Variants in ZCCHC24 observed in about 807,000 individuals in gnomAD.
ZCCHC24 encodes zinc finger CCHC domain-containing protein 24.
Under a neutral mutation model 26.2 loss-of-function variants are expected in ZCCHC24, and 10 were observed. The observed-to-expected ratio is 0.38, with a 90% CI of 0.24 to 0.65. ZCCHC24 has a LOEUF of 0.65. Among genes scored for constraint, ZCCHC24 ranks in the 30% least tolerant of loss-of-function variants. The pLI is 0.54. For synonymous variants in ZCCHC24, 144 were observed against 147.1 expected (o/e 0.98, Z 0.15); for missense variants, 243 against 329.1 (o/e 0.74, Z 2.03).
intron 1 of ZCCHC24, among the ~76,000 whole-genome samples, chr10:79,435,635 G>T (rs78598740): frequency 6.6e-6 from 1 of 152,206 alleles, no homozygotes; most frequent in Non-Finnish European, 1.5e-5. Context: ...CCTTAGAGCC[G>T]AAAGGGTAGA....
intron 1 of ZCCHC24, among the ~76,000 whole-genome samples, chr10:79,443,104 A>T (rs1301555120): frequency 6.6e-6 from 1 of 152,206 alleles, no homozygotes. Flanking sequence ...TAAGGCCCAG[A>T]GAGAGACGGG....
intron 2 of ZCCHC24, among the ~76,000 whole-genome samples, chr10:79,428,278 C>T (rs192657408): frequency 1.2e-4 from 19 of 152,248 alleles, no homozygotes; most frequent in East Asian, 3.9e-4. Flanking sequence ...AAAAGACAAA[C>T]GCCATGTGAT....
chr10:79,394,535 C>G (rs764539963), intron 2 of ZCCHC24, 95 bp from the exon 3 acceptor site: 236 of 1,535,162 alleles, frequency 1.5e-4, no homozygotes, highest in Non-Finnish European at 2.0e-4. Flanking sequence ...TCTTCATGTC[C>G]TGTGTCCATG....
At chr10:79,409,343 A>T (rs986285862) in intron 2 of ZCCHC24, 10 of 152,324 alleles carry the variant, frequency 6.6e-5, no homozygotes, top group Admixed American at 5.9e-4. Context: ...CTTTCCTACC[A>T]GCACTTCTAG....
chr10:79,431,708 C>G (rs1274153422), intron 2 of ZCCHC24, among the ~76,000 whole-genome samples: 1 of 152,198 alleles, frequency 6.6e-6, no homozygotes, highest in East Asian at 1.9e-4. Context: ...GGGAACACTA[C>G]ATGCATTTCC....
intron 2 of ZCCHC24, among the ~76,000 whole-genome samples, chr10:79,419,058 C>T (rs1053105574): frequency 3.9e-5 from 6 of 152,174 alleles, no homozygotes; most frequent in South Asian, 4.1e-4. Context: ...TATGTGTCTG[C>T]GTGCATGCAT....
intron 1 of ZCCHC24, among the ~76,000 whole-genome samples, chr10:79,436,093 C>A (rs1031390404): frequency 6.6e-6 from 1 of 152,170 alleles, no homozygotes; most frequent in African/African-American, 2.4e-5. Flanking sequence ...CATGCAGAGG[C>A]CGACACAGGC....
chr10:79,443,028 G>T (rs923229056), intron 1 of ZCCHC24, among the ~76,000 whole-genome samples: 9 of 152,148 alleles, frequency 5.9e-5, no homozygotes, highest in South Asian at 2.1e-4. Context: ...GTTTGAACAG[G>T]TCTCAAATAC....
chr10:79,384,933 C>CA lies in ZCCHC24; in HGVS notation c.*1411dup, dbSNP rs1386547998. 3.3e-5 allele frequency: 5 copies of CA among 152,346 alleles called. No homozygotes were observed. The highest frequency in any genetic ancestry group is 3.3e-4 in the Admixed American group (5 of 15,302). The allele number at this position is 152,346 out of a possible 1,614,324, so 9.4% of individuals were successfully genotyped here. A position where few individuals can be genotyped will look rare whatever the true frequency, so the allele number is the denominator to read the frequency against. On this transcript the variant is annotated 3_prime_UTR_variant, in exon 4 of 4. Coordinates refer to ENST00000372336, the MANE Select transcript of ZCCHC24 (RefSeq NM_153367.4). ...GAAACGGGGCTTCTCATCCGGGAGACAGAGGAGCGCACGATCCCGCCGCCA... is the reference window on the plus strand; with the variant it reads ...GAAACGGGGCTTCTCATCCGGGAGACAAGAGGAGCGCACGATCCCGCCGCCA...
intron 2 of ZCCHC24, among the ~76,000 whole-genome samples, chr10:79,406,981 C>T (rs542049154): frequency 6.6e-6 from 1 of 152,244 alleles, no homozygotes; most frequent in Non-Finnish European, 1.5e-5. Flanking sequence ...TGCCTCCCAA[C>T]CAAATCCAGT....
At chr10:79,409,798 C>T (rs1205485492) in intron 2 of ZCCHC24, among the ~76,000 whole-genome samples, 1 of 152,228 alleles carries the variant, frequency 6.6e-6, no homozygotes, top group African/African-American at 2.4e-5. Context: ...TGGTGTCCCA[C>T]CCGGGCAGCT....
chr10:79,441,385 T>G (rs1244748671), intron 1 of ZCCHC24, among the ~76,000 whole-genome samples: 1 of 152,000 alleles, frequency 6.6e-6, no homozygotes, highest in Non-Finnish European at 1.5e-5. Context: ...GAAAGGCCAT[T>G]TGTTAAGCCT....
chr10:79,417,780 C>A (rs557813065), intron 2 of ZCCHC24, among the ~76,000 whole-genome samples: 1 of 152,218 alleles, frequency 6.6e-6, no homozygotes, highest in African/African-American at 2.4e-5. Flanking sequence ...TCCTCACCCC[C>A]ATTCCATGCA....
intron 3 of ZCCHC24, 23 bp from the exon 4 acceptor site, chr10:79,386,481 G>A: frequency 6.4e-7 from 1 of 1,561,304 alleles, no homozygotes; most frequent in Non-Finnish European, 8.7e-7. Flanking sequence ...GGAGGAAGGG[G>A]CCCAGGGGAG....
intron 2 of ZCCHC24, among the ~76,000 whole-genome samples, chr10:79,420,732 C>T (rs560757174): frequency 1.3e-5 from 2 of 152,184 alleles, no homozygotes; most frequent in East Asian, 3.9e-4. Flanking sequence ...GAGATCATGC[C>T]ACTGCACTGC....
chr10:79,432,809 C>A (rs1857152283), intron 1 of ZCCHC24, 51 bp from the exon 2 acceptor site: 3 of 1,567,786 alleles, frequency 1.9e-6, no homozygotes, highest in Non-Finnish European at 2.6e-6. Context: ...GGGAGAAGTT[C>A]CATAACCCCC....
rs554002694 is a variant in ZCCHC24, at chr10:79,397,918, C to T, written c.448-3478G>A. ...CCAGAGCCCCTGCTTCAGAAATGAA[C>T]GGGAAGAAAACCCACACAGATAAAG... On this transcript the variant is annotated intron_variant, in intron 2 of 3. Coordinates refer to ENST00000372336, the MANE Select transcript of ZCCHC24 (RefSeq NM_153367.4). 1.2e-4 allele frequency among the ~76,000 whole-genome samples: 19 copies of T among 152,128 alleles called. No individual in the cohort carries two copies. In the South Asian group the frequency reaches 1.5e-3, roughly 12 times the overall value.
chr10:79,394,526 C>A, intron 2 of ZCCHC24, 86 bp from the exon 3 acceptor site: 1 of 1,545,050 alleles, frequency 6.5e-7, no homozygotes, highest in South Asian at 1.2e-5. Flanking sequence ...CCGCCTCAGT[C>A]TTCATGTCCT....
chr10:79,428,476 CAGTTTTGCAAGATAAA>C (rs1857075695), intron 2 of ZCCHC24, among the ~76,000 whole-genome samples: 3 of 64,168 alleles, frequency 4.7e-5, no homozygotes, highest in Non-Finnish European at 6.9e-5. Flanking sequence ...AGATAAATTT[CAGTTTTGCAAGATAAA>C]AAGAGCTCTG....
Sources: gnomAD v4.1 joint callset for allele counts (sites outside exome capture counted in the v4.1 genomes callset) on GRCh38, gnomAD v4.1.1 for gene constraint, MANE v1.5 for transcripts, NCBI Gene and HGNC (gene_info 2026-07-23, HGNC 2026-07-21) for gene names.